The following TTC28 variants were observed in gnomAD, a reference collection of about 807,000 sequenced individuals.
The protein encoded by TTC28 is tetratricopeptide repeat protein 28.
TTC28 carries 61 observed loss-of-function variants against 198.0 expected under a neutral mutation model. That is an observed-to-expected ratio of 0.31 (90% confidence interval 0.25 to 0.38). TTC28 has a LOEUF of 0.38. Ranked by LOEUF, TTC28 falls within the 10% of genes least tolerant of loss-of-function variation. The pLI, the probability that TTC28 is intolerant of heterozygous loss-of-function variation, is 1.00. For synonymous variants in TTC28, 1,171 were observed against 1,297.8 expected, an observed-to-expected ratio of 0.90 and a Z score of 2.10; for missense variants, 2,678 against 3,164.0, an observed-to-expected ratio of 0.85 and a Z score of 3.69.
At chr22:28,658,546 A>G (rs548981880) in intron 1 of TTC28, among the ~76,000 whole-genome samples, 1 of 152,324 alleles carries the variant, frequency 6.6e-6, no homozygotes, top group African/African-American at 2.4e-5. Flanking sequence ...GGGAATAGGG[A>G]TTTTATTGTT....
chr22:28,043,849 G>T (rs1939760924), intron 12 of TTC28, among the ~76,000 whole-genome samples: 1 of 152,152 alleles, frequency 6.6e-6, no homozygotes. Flanking sequence ...TGGGCACGTT[G>T]GAGAGTCAGT....
chr22:27,982,318 G>GGGCC lies in TTC28; in HGVS notation c.7345_7348dup (p.Pro2450ArgfsTer132). ...AGGGCGCGCGGGGGCTGTGGCGGGA[G>GGGCC]GGCCGGCGGGCAGCGGCAGTGAGCC... On this transcript the variant is annotated frameshift_variant, in exon 23 of 23. Coordinates refer to ENST00000397906, the MANE Select transcript of TTC28 (RefSeq NM_001145418.2). LOFTEE classifies it high-confidence loss of function. This position sits in a 1 kb window ranked among gnomAD's most constrained non-coding sequence, Gnocchi z 5.2. 6.6e-7 allele frequency: 1 copy of GGGCC among 1,524,362 alleles called. No individual in the cohort carries two copies. Among genetic ancestry groups the GGGCC allele is most frequent in the Non-Finnish European group, 8.8e-7 (1 of 1,132,616 alleles). 94.4% of individuals were successfully genotyped at this position (1,524,362 alleles called of 1,614,324 possible).
chr22:27,998,504 G>T (rs1422094650), intron 16 of TTC28, 36 bp downstream of exon 16: 4 of 1,528,756 alleles, frequency 2.6e-6, no homozygotes, highest in Non-Finnish European at 3.5e-6. Flanking sequence ...TGAGCCCCAG[G>T]CCTTGACAGG....
chr22:28,593,773 A>G (rs1430717626), intron 2 of TTC28, among the ~76,000 whole-genome samples: 4 of 152,224 alleles, frequency 2.6e-5, no homozygotes, highest in Non-Finnish European at 5.9e-5. Flanking sequence ...ACATATTCAT[A>G]TAATTTTTGT....
chr22:28,103,418 C>T (rs1942212841), intron 8 of TTC28, among the ~76,000 whole-genome samples: 1 of 152,182 alleles, frequency 6.6e-6, no homozygotes, highest in African/African-American at 2.4e-5. Context: ...TGCACTGAAG[C>T]AGGGTGATGC....
intron 5 of TTC28, among the ~76,000 whole-genome samples, chr22:28,282,626 A>T (rs1240187959): frequency 1.3e-5 from 2 of 152,182 alleles, no homozygotes; most frequent in Non-Finnish European, 2.9e-5. Flanking sequence ...CCTGTTTTAC[A>T]GGTGATGAAC....
chr22:28,069,967 C>CACACACAA, intron 12 of TTC28, among the ~76,000 whole-genome samples: 1 of 144,870 alleles, frequency 6.9e-6, no homozygotes, highest in East Asian at 2.0e-4. Context: ...CACACACACA[C>CACACACAA]AAATGCCCCT....
intron 12 of TTC28, among the ~76,000 whole-genome samples, chr22:28,086,754 G>A (rs1427282064): frequency 1.3e-5 from 2 of 152,062 alleles, no homozygotes; most frequent in Admixed American, 1.3e-4. Flanking sequence ...CAACAAAATT[G>A]ATAGACCACT....
intron 2 of TTC28, among the ~76,000 whole-genome samples, chr22:28,572,235 G>C (rs886536950): frequency 5.9e-5 from 9 of 151,824 alleles, no homozygotes; most frequent in Admixed American, 5.9e-4. Context: ...CCAGTTACTG[G>C]GGAGGCTGAG....
intron 5 of TTC28, among the ~76,000 whole-genome samples, chr22:28,289,810 G>C (rs1266991356): frequency 6.6e-6 from 1 of 152,170 alleles, no homozygotes; most frequent in Non-Finnish European, 1.5e-5. Context: ...TGGATCACCT[G>C]AGATCAGGAG....
chr22:28,102,356 TAAATG>T (rs1808766514), intron 8 of TTC28, among the ~76,000 whole-genome samples: 1 of 152,208 alleles, frequency 6.6e-6, no homozygotes, highest in South Asian at 2.1e-4. Context: ...GCAAAAGCCT[TAAATG>T]AAACCATCCT....
chr22:28,303,581 T>A (rs1225635615), intron 3 of TTC28, among the ~76,000 whole-genome samples: 1 of 152,134 alleles, frequency 6.6e-6, no homozygotes, highest in Non-Finnish European at 1.5e-5. Flanking sequence ...ATAACGTATT[T>A]ATATGGGAGA....
At chr22:28,294,987 A>G (rs2044865175) in intron 5 of TTC28, among the ~76,000 whole-genome samples, 1 of 152,202 alleles carries the variant, frequency 6.6e-6, no homozygotes, top group South Asian at 2.1e-4. Flanking sequence ...ATCTGTCTCT[A>G]GGAGTCTGAT....
At chr22:28,586,304 G>A (rs6005822) in intron 2 of TTC28, among the ~76,000 whole-genome samples, 2,005 of 151,194 alleles carry the variant, frequency 0.013, 56 homozygotes, top group African/African-American at 0.046. Context: ...AAAGAAAGTA[G>A]TAAGAAAGAT....
intron 12 of TTC28, among the ~76,000 whole-genome samples, chr22:28,051,770 AAAT>A (rs1216205095): frequency 6.6e-6 from 1 of 152,324 alleles, no homozygotes; most frequent in Admixed American, 6.5e-5. Flanking sequence ...ATAATAAAGA[AAAT>A]AATAACAGTA....
At chr22:28,340,410 C>G (rs894640388) in intron 2 of TTC28, among the ~76,000 whole-genome samples, 1 of 151,620 alleles carries the variant, frequency 6.6e-6, no homozygotes, top group African/African-American at 2.4e-5. Flanking sequence ...GTGATTACCA[C>G]ACTTGGTTTC....
chr22:28,451,227 C>G (rs1053507318), intron 2 of TTC28, among the ~76,000 whole-genome samples: 1 of 152,160 alleles, frequency 6.6e-6, no homozygotes, highest in Admixed American at 6.6e-5. Context: ...GACAGAGTGA[C>G]GGGATATCAT....
At chr22:28,389,806 T>C (rs1435675526) in intron 2 of TTC28, among the ~76,000 whole-genome samples, 3 of 150,332 alleles carry the variant, frequency 2.0e-5, no homozygotes, top group South Asian at 2.1e-4. Context: ...CCTGGATTCA[T>C]TAATTTTTTG....
At chr22:28,450,146 G>A (rs960588645) in intron 2 of TTC28, among the ~76,000 whole-genome samples, 2 of 152,006 alleles carry the variant, frequency 1.3e-5, no homozygotes, top group Non-Finnish European at 2.9e-5. Flanking sequence ...AAAGAGATGG[G>A]GGGTCATTGA....
Sources: allele counts gnomAD v4.1 joint callset (sites outside exome capture counted in the v4.1 genomes callset), GRCh38; gene constraint gnomAD v4.1.1; non-coding constraint Gnocchi (gnomAD v3.1); transcripts MANE v1.5; gene names NCBI Gene and HGNC (gene_info 2026-07-23, HGNC 2026-07-21).